ATAD2B: variants seen among roughly 807,000 people sequenced by gnomAD.
ATAD2B encodes the protein ATPase family AAA domain containing 2B.
In ATAD2B, 40 loss-of-function variants were observed where a neutral mutation model predicts 167.6. The ratio of observed to expected loss-of-function variants is 0.24; its 90% confidence interval spans 0.19 to 0.31. The LOEUF is 0.31. Among genes scored for constraint, ATAD2B ranks in the 10% least tolerant of loss-of-function variants. ATAD2B has a pLI of 1.00. For synonymous variants in ATAD2B, 579 were observed against 596.5 expected, an observed-to-expected ratio of 0.97 and a Z score of 0.43; for missense variants, 1,242 against 1,757.2, an observed-to-expected ratio of 0.71 and a Z score of 5.24.
In ATAD2B at chr2:23,828,955, C is replaced by T. The variant is rs749258771; in HGVS notation, c.1729-16G>A. 27 of 1,522,764 alleles carry T rather than the reference C, an allele frequency of 1.8e-5. No individual in the cohort carries two copies. The African/African-American group carries it at 3.4e-4, about 19-fold the overall frequency. 94.3% of individuals were successfully genotyped at this position (1,522,764 alleles called of 1,614,324 possible). A position where few individuals can be genotyped will look rare whatever the true frequency, so the allele number is the denominator to read the frequency against. On this transcript the variant is annotated splice_polypyrimidine_tract_variant and intron_variant, in intron 14 of 27. Coordinates refer to ENST00000238789, the MANE Select transcript of ATAD2B (RefSeq NM_017552.4). Reference sequence around the variant, plus strand: ...GTTTTCTTGCCTAAGATGAAAAGCACAGATACATAAAATCTTGCCCAAGAA... The same window carrying T: ...GTTTTCTTGCCTAAGATGAAAAGCATAGATACATAAAATCTTGCCCAAGAA...
chr2:23,704,628 G>T, the ATAD2B span, among the ~76,000 whole-genome samples: 2 of 152,190 alleles, frequency 1.3e-5, no homozygotes, highest in African/African-American at 2.4e-5. Context: ...TTTGCCAGGC[G>T]TGGTGGCATG....
At chr2:23,806,148 C>T (rs1457803040) in intron 18 of ATAD2B, 7 of 152,136 alleles carry the variant, frequency 4.6e-5, no homozygotes, top group Non-Finnish European at 1.0e-4. Flanking sequence ...TACTTTCACA[C>T]ATAAGATAAT....
intron 20 of ATAD2B, among the ~76,000 whole-genome samples, chr2:23,786,615 T>C (rs752660347): frequency 2.0e-5 from 3 of 152,138 alleles, no homozygotes; most frequent in Non-Finnish European, 4.4e-5. Context: ...CCATCGTATA[T>C]GCAGTCCATC....
At chr2:23,779,716 C>T (rs1008548543) in intron 22 of ATAD2B, among the ~76,000 whole-genome samples, 1 of 151,948 alleles carries the variant, frequency 6.6e-6, no homozygotes, top group African/African-American at 2.4e-5. Flanking sequence ...ATGAGATCTA[C>T]ATATGATTAA....
rs187994564 is a variant in ATAD2B at position 23,920,024 on chromosome 2, G to A, written c.216+6531C>T. 1.8e-3 allele frequency among the ~76,000 whole-genome samples: 270 copies of A among 151,822 alleles called. 3 individuals are homozygous for A. Among genetic ancestry groups the A allele is most frequent in the South Asian group, 4.2e-4 (2 of 4,812 alleles). ...AAATTAGCCAGACGTGGTGGCTCAC[G>A]TCTGTAATCCTGGCTACTCAGGAGG... is the stretch of plus-strand genomic sequence containing the variant. On this transcript the variant is annotated intron_variant, in intron 1 of 27. Transcript: ENST00000238789.
rs1238538928 is a variant in ATAD2B at position 23,887,864 on chromosome 2, G to A, written c.540C>T (p.Asn180=). The change falls in exon 4 of 28, where the codon AAC becomes AAT. Residue 180 remains asparagine (N), a synonymous_variant. Coordinates refer to ENST00000238789, the MANE Select transcript of ATAD2B (RefSeq NM_017552.4). The stretch of plus-strand genomic sequence containing the variant: ...CTAGTTGATCAAATAACAAACTCTG[G>A]TTCACACTTTCAAATCTGTTTTTCC... ...RSRKNRFESV[N]QSLLFDQLVN... The A allele has an allele frequency of 6.2e-7, 1 of 1,606,520 alleles. No homozygotes were observed. Among genetic ancestry groups the A allele is most frequent in the East Asian group, 2.3e-5 (1 of 44,280 alleles).
intron 13 of ATAD2B, among the ~76,000 whole-genome samples, chr2:23,854,793 C>A (rs894759027): frequency 6.6e-6 from 1 of 151,924 alleles, no homozygotes; most frequent in Admixed American, 6.6e-5. Context: ...GGCACAGATA[C>A]ATTTTTTAAA....
At chr2:23,745,422 A>AAGGAGAAGGG (rs1491261605), downstream of ATAD2B, among the ~76,000 whole-genome samples, 2 of 85,012 alleles carry the variant, frequency 2.4e-5, no homozygotes, top group African/African-American at 1.1e-4. Flanking sequence ...GGAAGGAAGG[A>AAGGAGAAGGG]AAGGGAAGGG....
chr2:23,706,544 G>A, the ATAD2B span: 16 of 1,536,982 alleles, frequency 1.0e-5, no homozygotes, highest in South Asian at 3.6e-5. Context: ...AAGGGCCCGC[G>A]CTGGGCAACA....
At chr2:23,806,079 A>C (rs1684346463) in intron 18 of ATAD2B, 1 of 152,192 alleles carries the variant, frequency 6.6e-6, no homozygotes, top group South Asian at 2.1e-4. Context: ...TTAAAATTTT[A>C]TATAATCAAA....
chr2:23,769,135 A>C (rs374315016), intron 22 of ATAD2B, among the ~76,000 whole-genome samples: 2 of 152,122 alleles, frequency 1.3e-5, no homozygotes, highest in African/African-American at 2.4e-5. Context: ...AGATGCTTAT[A>C]TCTCTCATAT....
the ATAD2B span, chr2:23,703,774 G>A: frequency 2.0e-6 from 3 of 1,537,372 alleles, no homozygotes; most frequent in East Asian, 2.4e-5. Flanking sequence ...TCCTGGGCGG[G>A]GCTTATGCCA....
At chr2:23,871,521 T>C (rs1695976152) in intron 8 of ATAD2B, among the ~76,000 whole-genome samples, 1 of 152,230 alleles carries the variant, frequency 6.6e-6, no homozygotes, top group African/African-American at 2.4e-5. Context: ...CTTCAGTTTT[T>C]AATCTTTCTA....
In ATAD2B at chr2:23,922,701, C is replaced by CAAAAAAAAAAAAAAAAAA. The variant is rs11386515; in HGVS notation, c.216+3853_216+3854insTTTTTTTTTTTTTTTTTT. ...TGGGCATCAGAGTAAGACTCTGTCT[C>CAAAAAAAAAAAAAAAAAA]AAAAAAAAAAAAAAAGGGTCCTAAC... is the stretch of plus-strand genomic sequence containing the variant. On this transcript the variant is annotated intron_variant, in intron 1 of 27. Transcript: ENST00000238789. Among the ~76,000 whole-genome samples, 173 of 126,408 alleles carry CAAAAAAAAAAAAAAAAAA rather than the reference C, an allele frequency of 1.4e-3. 2 individuals carry two copies. The highest frequency in any genetic ancestry group is 1.7e-3 in the Non-Finnish European group (106 of 61,412). 82.9% of individuals were successfully genotyped at this position (126,408 alleles called of 152,430 possible). A position where few individuals can be genotyped will look rare whatever the true frequency, so the allele number is the denominator to read the frequency against.
At chr2:23,859,007 T>C (rs78938579) in intron 12 of ATAD2B, among the ~76,000 whole-genome samples, 8,082 of 152,260 alleles carry the variant, frequency 0.053, 240 homozygotes, top group Middle Eastern at 0.095. Context: ...TCAAAAGGCA[T>C]GTGTCATTTC....
At chr2:23,724,027 T>G in the ATAD2B span, among the ~76,000 whole-genome samples, 1 of 152,156 alleles carries the variant, frequency 6.6e-6, no homozygotes, top group Non-Finnish European at 1.5e-5. Context: ...GAACAGAAAG[T>G]TAAACACCAC....
At chr2:23,752,496 CATAT>C (rs1385796977) in intron 27 of ATAD2B, among the ~76,000 whole-genome samples, 2 of 149,436 alleles carry the variant, frequency 1.3e-5, no homozygotes, top group Non-Finnish European at 3.0e-5. Context: ...TATATGTATG[CATAT>C]ATATATAATT....
At chr2:23,844,958 A>C (rs1445410874) in intron 13 of ATAD2B, among the ~76,000 whole-genome samples, 1 of 152,166 alleles carries the variant, frequency 6.6e-6, no homozygotes, top group Non-Finnish European at 1.5e-5. Context: ...CAAGAAGGAA[A>C]AAAAAACCTA....
chr2:23,921,617 AAAC>A (rs1703940430), intron 1 of ATAD2B, among the ~76,000 whole-genome samples: 1 of 152,228 alleles, frequency 6.6e-6, no homozygotes, highest in African/African-American at 2.4e-5. Flanking sequence ...TCCATGACCT[AAAC>A]AACAGAATGC....
Sources: allele counts gnomAD v4.1 joint callset (sites outside exome capture counted in the v4.1 genomes callset), GRCh38; gene constraint gnomAD v4.1.1; transcripts MANE v1.5; gene names NCBI Gene and HGNC (gene_info 2026-07-23, HGNC 2026-07-21).